KAZALD1: variants seen among roughly 807,000 people sequenced by gnomAD.
KAZALD1 encodes the protein Kazal type serine peptidase inhibitor domain 1.
In KAZALD1, 31 loss-of-function variants were observed where a neutral mutation model predicts 27.7. The ratio of observed to expected loss-of-function variants is 1.12; its 90% CI spans 0.84 to 1.51. The LOEUF (loss-of-function observed/expected upper bound fraction) is 1.51. KAZALD1 is among the 40% of genes most tolerant of loss of function. The pLI is 0.00. For missense variants in KAZALD1, 444 were observed against 408.9 expected (o/e 1.09, Z -0.74); for synonymous variants, 179 against 182.0 (o/e 0.98, Z 0.13).
At chr10:101,063,548 C>T (rs1300335169) in intron 2 of KAZALD1, among the ~76,000 whole-genome samples, 1 of 152,216 alleles carries the variant, frequency 6.6e-6, no homozygotes, top group African/African-American at 2.4e-5. Flanking sequence ...TCTGCTTTCT[C>T]CTGCTTTTAG....
intron 3 of KAZALD1, 23 bp downstream of exon 3, chr10:101,064,444 C>T (rs1252938826): frequency 8.7e-6 from 14 of 1,614,080 alleles, no homozygotes; most frequent in Non-Finnish European, 1.2e-5. Flanking sequence ...GAGAGGCTTC[C>T]CTCAGGCAGC....
intron 2 of KAZALD1, among the ~76,000 whole-genome samples, chr10:101,063,902 G>C (rs1939240279): frequency 6.6e-6 from 1 of 152,240 alleles, no homozygotes; most frequent in African/African-American, 2.4e-5. Flanking sequence ...TTTGATTACA[G>C]GCACGCAGGA....
downstream of KAZALD1, chr10:101,067,157 G>T (rs807031): frequency 2.4e-6 from 1 of 409,736 alleles, no homozygotes; most frequent in African/African-American, 2.0e-5. Flanking sequence ...GGGAGGGGGA[G>T]GGAGGAGGAG....
At position 101,065,916 on chromosome 10, in the gene KAZALD1, T is replaced by A. The variant is rs1358419287; in HGVS notation, c.*996T>A. The stretch of plus-strand genomic sequence containing the variant: ...TGGGTTGGCCCCCAAAATGAAAGCA[T>A]AAACTGGATAGAGGAGGGTGGAAGT... On this transcript the variant is annotated 3_prime_UTR_variant, in exon 5 of 5. Coordinates refer to ENST00000370200, the MANE Select transcript of KAZALD1 (RefSeq NM_030929.5). Among the ~76,000 whole-genome samples the A allele has an allele frequency of 1.3e-5, 2 of 152,212 alleles. No individual in the cohort carries two copies. The highest frequency in any genetic ancestry group is 2.9e-5 in the Non-Finnish European group (2 of 68,028).
intron 2 of KAZALD1, among the ~76,000 whole-genome samples, chr10:101,063,856 G>T (rs936975406): frequency 6.6e-6 from 1 of 152,222 alleles, no homozygotes; most frequent in African/African-American, 2.4e-5. Context: ...TGGGAACTGG[G>T]CCTGTTTAGA....
chr10:101,064,686 G>C, intron 4 of KAZALD1, 38 bp downstream of exon 4: 1 of 1,612,248 alleles, frequency 6.2e-7, no homozygotes, highest in South Asian at 1.1e-5. Context: ...TGGGGGGATG[G>C]TGCTGGATTC....
chr10:101,062,482 G>A, intron 1 of KAZALD1, 60 bp from the exon 2 acceptor site: 2 of 1,470,230 alleles, frequency 1.4e-6, no homozygotes, highest in South Asian at 2.7e-5. Context: ...AAGCAGTGAG[G>A]TTGGTCTTTC....
At chr10:101,063,155 T>G (rs1157367592) in intron 2 of KAZALD1, 52 bp downstream of exon 2, 1 of 1,433,864 alleles carries the variant, frequency 7.0e-7, no homozygotes, top group African/African-American at 1.4e-5. Context: ...CTAGAGGCAC[T>G]GCTCCCCGAC....
chr10:101,063,032 G>A lies in KAZALD1; in HGVS notation c.440G>A (p.Arg147His), dbSNP rs1939208816. Residue 147 changes from arginine (R) to histidine (H), a missense_variant, in exon 2 of 5, where the codon CGC becomes CAC. Arg to His is a conservative substitution (Grantham distance 29, BLOSUM62 0). Transcript: ENST00000370200. ...SDGHTYSQIC[R>H]LQEAARARPD... is the part of the protein sequence containing the mutation. ...GGTCACACCTACTCCCAGATCTGCC[G>A]CCTGCAGGAGGCGGCCCGCGCTCGG... The A allele has an allele frequency of 6.3e-7, 1 of 1,587,526 alleles. No homozygotes were observed. The highest frequency in any genetic ancestry group is 8.5e-7 in the Non-Finnish European group (1 of 1,170,886).
chr10:101,066,427 G>T lies in KAZALD1; in HGVS notation c.*1507G>T. ...GCTTGCCCCGGGTCCTTAAGCCAGCGACAGTTTTTATTGCCGAACCCAGGC... is the reference window on the plus strand; with the variant it reads ...GCTTGCCCCGGGTCCTTAAGCCAGCTACAGTTTTTATTGCCGAACCCAGGC... On this transcript the variant is annotated 3_prime_UTR_variant, in exon 5 of 5. Coordinates refer to ENST00000370200, the MANE Select transcript of KAZALD1 (RefSeq NM_030929.5). The T allele has an allele frequency of 2.2e-6, 1 of 456,768 alleles. No individual in the cohort carries two copies. The highest frequency in any genetic ancestry group is 4.4e-6 in the Non-Finnish European group (1 of 226,984). 28.3% of individuals were successfully genotyped at this position (456,768 alleles called of 1,614,324 possible). A position where few individuals can be genotyped will look rare whatever the true frequency, so the allele number is the denominator to read the frequency against.
rs116439871 is a variant in KAZALD1, at chr10:101,064,682, G to A, written c.820+34G>A. ...ATTCCTGAGTTCTGGGGGTTGGGGG[G>A]ATGGTGCTGGATTCCAGTTGTGAAT... is the stretch of plus-strand genomic sequence containing the variant. On this transcript the variant is annotated intron_variant, in intron 4 of 4. Coordinates refer to ENST00000370200, the MANE Select transcript of KAZALD1 (RefSeq NM_030929.5). 383 of 1,612,246 alleles carry A rather than the reference G, an allele frequency of 2.4e-4. 1 individual carries two copies. The African/African-American group carries it at 4.4e-3, about 18-fold the overall frequency.
Position 101,062,696 on chromosome 10 carries a change from G to T in KAZALD1, c.104G>T (p.Gly35Val), listed in dbSNP as rs571965284. Residue 35 changes from glycine (G) to valine (V), a missense_variant, in exon 2 of 5, where the codon GGC becomes GTC. Transcript: ENST00000370200. ...CCGACCGGCGCAAGGCCATCCCCAGGCCCAGATTACCTGCGGCGCGGCTGG... is the reference window on the plus strand; with the variant it reads ...CCGACCGGCGCAAGGCCATCCCCAGTCCCAGATTACCTGCGGCGCGGCTGG... ...PPPTGARPSP[G>V]PDYLRRGWMR... The T allele has an allele frequency of 1.7e-5, 26 of 1,536,760 alleles. No individual in the cohort carries two copies. In the African/African-American group the frequency reaches 2.1e-4, roughly 12 times the overall value.
chr10:101,067,553 A>G (rs893401718), downstream of KAZALD1: 1 of 346,122 alleles, frequency 2.9e-6, no homozygotes, highest in Non-Finnish European at 5.7e-6. Flanking sequence ...CATCTAGAGC[A>G]GGGTGTGAAG....
chr10:101,067,873 G>C (rs964545788), downstream of KAZALD1: 4 of 469,486 alleles, frequency 8.5e-6, no homozygotes, highest in Admixed American at 7.1e-5. Context: ...TGGGGACCGA[G>C]GACACCCTCA....
chr10:101,062,343 A>G (rs564796257), intron 1 of KAZALD1, among the ~76,000 whole-genome samples, 199 bp from the exon 2 acceptor site: 2 of 152,276 alleles, frequency 1.3e-5, no homozygotes, highest in South Asian at 2.1e-4. Context: ...CAGCCCTCCC[A>G]AGAACAGCCC....
At chr10:101,067,157 G>GGGA (rs1939344895), downstream of KAZALD1, 1 of 409,990 alleles carries the variant, frequency 2.4e-6, no homozygotes, top group African/African-American at 2.0e-5. Flanking sequence ...GGGAGGGGGA[G>GGGA]GGAGGAGGAG....
At position 101,064,583 on chromosome 10, in the gene KAZALD1, G is replaced by A. The variant is rs146000483; in HGVS notation, c.755G>A (p.Arg252His). The A allele has an allele frequency of 1.1e-5, 18 of 1,613,958 alleles. No homozygotes were observed. Among genetic ancestry groups the A allele is most frequent in the East Asian group, 2.2e-5 (1 of 44,900 alleles). The change falls in exon 4 of 5, where the codon CGC becomes CAC. Residue 252 changes from arginine (R) to histidine (H), a missense_variant. Physicochemically the swap from Arg to His is conservative, Grantham distance 29. Transcript: ENST00000370200. ...CGTCCCAGTGATGAGGGCACTTACC[G>A]CTGCCTTGGCCGCAATGCCCTGGGT... ...AVRPSDEGTY[R>H]CLGRNALGQV...
rs1939265745 is a variant in KAZALD1 at position 101,064,586 on chromosome 10, G to A, written c.758G>A (p.Cys253Tyr). Residue 253 changes from cysteine (C) to tyrosine (Y), a missense_variant, in exon 4 of 5, where the codon TGC becomes TAC. Transcript: ENST00000370200. The part of the protein sequence containing the change: ...VRPSDEGTYR[C>Y]LGRNALGQVE... Reference sequence around the variant, plus strand: ...CCCAGTGATGAGGGCACTTACCGCTGCCTTGGCCGCAATGCCCTGGGTCAA... The same window carrying A: ...CCCAGTGATGAGGGCACTTACCGCTACCTTGGCCGCAATGCCCTGGGTCAA... 6.2e-7 allele frequency: 1 copy of A among 1,614,066 alleles called. No individual in the cohort carries two copies. The highest frequency in any genetic ancestry group is 8.5e-7 in the Non-Finnish European group (1 of 1,180,024).
downstream of KAZALD1, chr10:101,067,157 G>C (rs807031): frequency 0.14 from 58,674 of 409,796 alleles, 4,797 homozygotes; most frequent in African/African-American, 0.24. Context: ...GGGAGGGGGA[G>C]GGAGGAGGAG....
Sources: gnomAD v4.1 joint callset for allele counts (sites outside exome capture counted in the v4.1 genomes callset) on GRCh38, gnomAD v4.1.1 for gene constraint, MANE v1.5 for transcripts, NCBI Gene and HGNC (gene_info 2026-07-23, HGNC 2026-07-21) for gene names.